Variants in WWTR1 observed in about 807,000 individuals in gnomAD.
The protein encoded by WWTR1 is WW domain-containing transcription regulator protein 1.
WWTR1 carries 13 observed loss-of-function variants against 40.1 expected under a neutral mutation model. The observed-to-expected ratio is 0.32, with a 90% CI of 0.21 to 0.52. The LOEUF (loss-of-function observed/expected upper bound fraction) is 0.52. Ranked by LOEUF, WWTR1 falls within the 20% of genes least tolerant of loss-of-function variation. WWTR1 has a pLI of 0.97. For synonymous variants in WWTR1, 230 were observed against 210.1 expected (o/e 1.09, Z -0.82); for missense variants, 436 against 523.1 (o/e 0.83, Z 1.63).
intron 3 of WWTR1, among the ~76,000 whole-genome samples, chr3:149,559,554 T>C (rs1736999766): frequency 1.3e-5 from 2 of 152,252 alleles, no homozygotes; most frequent in East Asian, 3.9e-4. Flanking sequence ...CTTGAAACTC[T>C]TCTGTAAGTT....
intron 1 of WWTR1, among the ~76,000 whole-genome samples, chr3:149,686,214 C>G (rs1435622): frequency 0.14 from 21,871 of 152,226 alleles, 1,985 homozygotes; most frequent in Admixed American, 0.26. Context: ...TATCTCTGCT[C>G]TACCATTCTT....
chr3:149,656,858 G>A lies in WWTR1; in HGVS notation c.431+18C>T. On this transcript the variant is annotated intron_variant, in intron 2 of 6. Coordinates refer to ENST00000360632, the MANE Select transcript of WWTR1 (RefSeq NM_015472.6). ...GGCACTGTGACTTGGTGCCTTCTTCGGCTCCAGGCTGACTTACTTGAGGAA... is the reference window on the plus strand; with the variant it reads ...GGCACTGTGACTTGGTGCCTTCTTCAGCTCCAGGCTGACTTACTTGAGGAA... 1.3e-6 allele frequency: 2 copies of A among 1,498,302 alleles called. No individual in the cohort carries two copies. The highest frequency in any genetic ancestry group is 1.8e-6 in the Non-Finnish European group (2 of 1,133,108). 92.8% of individuals were successfully genotyped at this position (1,498,302 alleles called of 1,614,324 possible).
upstream of WWTR1, among the ~76,000 whole-genome samples, chr3:149,704,101 C>T (rs1715270808): frequency 1.3e-5 from 2 of 152,090 alleles, no homozygotes; most frequent in Non-Finnish European, 2.9e-5. Context: ...CCTCAGCCTC[C>T]CAAAATGCTG....
At chr3:149,705,973 C>T (rs1715318194), upstream of WWTR1, among the ~76,000 whole-genome samples, 1 of 152,104 alleles carries the variant, frequency 6.6e-6, no homozygotes, top group African/African-American at 2.4e-5. Context: ...GGGTGGATTG[C>T]TTGAGTCCAG....
rs568103623 is a variant in WWTR1 at position 149,548,737 on chromosome 3, T to C, written c.569-6200A>G. Among the ~76,000 whole-genome samples, 53 of 152,326 alleles carry C rather than the reference T, an allele frequency of 3.5e-4. 1 individual carries two copies. The highest frequency in any genetic ancestry group is 2.4e-3 in the Admixed American group (36 of 15,300). ...GGTGAAGAAGAATATCTTCGGCTAG[T>C]ATGCGTTTCTTGTTGTATCTCCCTC... On this transcript the variant is annotated intron_variant, in intron 3 of 6. Transcript: ENST00000360632.
rs758775079 is a variant in WWTR1 at position 149,577,331 on chromosome 3, G to T, written c.432-4331C>A. ...CGGGGAAGAAAAGCTTTTCTTGACA[G>T]TAAACATTTTTTTCCTCGACTTAAA... is the stretch of plus-strand genomic sequence containing the variant. On this transcript the variant is annotated intron_variant, in intron 2 of 6. Transcript: ENST00000360632. Among the ~76,000 whole-genome samples, 44 of 152,082 alleles carry T rather than the reference G, an allele frequency of 2.9e-4. 1 individual carries two copies. Among genetic ancestry groups the T allele is most frequent in the Admixed American group, 1.3e-4 (2 of 15,254 alleles).
chr3:149,646,072 C>G (rs919850113), intron 2 of WWTR1, among the ~76,000 whole-genome samples: 1 of 152,082 alleles, frequency 6.6e-6, no homozygotes, highest in African/African-American at 2.4e-5. Context: ...GACTGAACCT[C>G]TTAGAATGAT....
intron 1 of WWTR1, among the ~76,000 whole-genome samples, chr3:149,693,025 AAAG>A: frequency 6.6e-6 from 1 of 152,212 alleles, no homozygotes; most frequent in East Asian, 1.9e-4. Flanking sequence ...ACAAATTGGA[AAAG>A]AAGAAGTCAA....
chr3:149,636,966 G>GAAAAAAAAAAAAAAAAAAAA, intron 2 of WWTR1, among the ~76,000 whole-genome samples: 1 of 43,306 alleles, frequency 2.3e-5, no homozygotes, highest in Non-Finnish European at 3.9e-5. Context: ...TGTCTCAAGT[G>GAAAAAAAAAAAAAAAAAAAA]AAAAAAAAAA....
chr3:149,673,130 C>T (rs898619628), intron 1 of WWTR1, among the ~76,000 whole-genome samples: 1 of 151,948 alleles, frequency 6.6e-6, no homozygotes, highest in Non-Finnish European at 1.5e-5. Context: ...AATCCCAGCA[C>T]TTTGGGAGGC....
intron 2 of WWTR1, among the ~76,000 whole-genome samples, chr3:149,577,353 TA>T (rs1560068514): frequency 6.6e-6 from 1 of 151,792 alleles, no homozygotes; most frequent in Non-Finnish European, 1.5e-5. Context: ...TTCCTCGACT[TA>T]AAAAAAAGAA....
chr3:149,702,170 G>A (rs1715198926), intron 1 of WWTR1: 1 of 156,198 alleles, frequency 6.4e-6, no homozygotes, highest in Admixed American at 6.5e-5. Flanking sequence ...TTGCTGGGCT[G>A]ATGACAGCAG....
At chr3:149,599,228 T>TC (rs1455115787) in intron 2 of WWTR1, among the ~76,000 whole-genome samples, 1 of 152,194 alleles carries the variant, frequency 6.6e-6, no homozygotes, top group African/African-American at 2.4e-5. Flanking sequence ...AAGCAATGGG[T>TC]CCAATTAGCA....
intron 2 of WWTR1, among the ~76,000 whole-genome samples, chr3:149,636,619 A>G (rs1201259341): frequency 6.6e-6 from 1 of 152,232 alleles, no homozygotes; most frequent in African/African-American, 2.4e-5. Flanking sequence ...TAAGCACAGT[A>G]CCAGTATGTG....
intron 2 of WWTR1, among the ~76,000 whole-genome samples, chr3:149,621,914 C>T (rs143075947): frequency 1.0e-3 from 152 of 152,260 alleles, no homozygotes; most frequent in African/African-American, 3.4e-3. Context: ...TGCTCTGGGA[C>T]CCAAAGAGTC....
At chr3:149,523,215 C>T (rs556119156) in intron 6 of WWTR1, among the ~76,000 whole-genome samples, 9 of 152,048 alleles carry the variant, frequency 5.9e-5, no homozygotes, top group African/African-American at 2.2e-4. Flanking sequence ...GCAGTTTATC[C>T]ACTTAAAAAG....
intron 3 of WWTR1, among the ~76,000 whole-genome samples, chr3:149,566,055 A>G (rs1737310899): frequency 6.6e-6 from 1 of 151,354 alleles, no homozygotes; most frequent in African/African-American, 2.4e-5. Context: ...AATTGAGGGC[A>G]CAGTGGCTCA....
At chr3:149,571,462 G>C (rs1474692488) in intron 3 of WWTR1, among the ~76,000 whole-genome samples, 1 of 152,042 alleles carries the variant, frequency 6.6e-6, no homozygotes, top group Non-Finnish European at 1.5e-5. Context: ...TGGAGGCTTT[G>C]GTTTACCACT....
intron 3 of WWTR1, among the ~76,000 whole-genome samples, chr3:149,545,513 C>G (rs1283941466): frequency 6.6e-6 from 1 of 152,034 alleles, no homozygotes; most frequent in Non-Finnish European, 1.5e-5. Context: ...GTTGTTAACC[C>G]TATGTTGTTG....
Sources: gnomAD v4.1 joint callset for allele counts (sites outside exome capture counted in the v4.1 genomes callset) on GRCh38, gnomAD v4.1.1 for gene constraint, MANE v1.5 for transcripts, NCBI Gene and HGNC (gene_info 2026-07-23, HGNC 2026-07-21) for gene names.